The following CD101 variants were observed in gnomAD, a reference collection of about 807,000 sequenced individuals.
The protein encoded by CD101 is CD101 molecule.
A neutral mutation model predicts 98.2 loss-of-function variants in CD101; 76 were observed. The observed-to-expected ratio is 0.77, with a 90% CI of 0.64 to 0.94. The LOEUF (loss-of-function observed/expected upper bound fraction) is 0.94. Among genes scored for constraint, CD101 ranks in the 40% least tolerant of loss-of-function variants. The probability of loss-of-function intolerance (pLI) is 0.00; values close to 1 mark genes in which losing one functional copy is unlikely to be tolerated. For missense variants in CD101, 1,145 were observed against 1,218.8 expected, an observed-to-expected ratio of 0.94 and a Z score of 0.90; for synonymous variants, 471 against 472.7, an observed-to-expected ratio of 1.00 and a Z score of 0.05.
rs1304406484 is a variant in CD101 at position 117,013,515 on chromosome 1, C to T, written c.951C>T (p.Gly317=). The T allele has an allele frequency of 6.2e-7, 1 of 1,614,158 alleles. No individual in the cohort carries two copies. Among genetic ancestry groups the T allele is most frequent in the Admixed American group, 1.7e-5 (1 of 60,016 alleles). ...VSSGRDPQLQ[G]IWFFNGTEIA... ...GTGGCCGTGACCCACAGCTTCAAGGCATTTGGTTCTTCAATGGGACTGAAA... is the reference window on the plus strand; with the variant it reads ...GTGGCCGTGACCCACAGCTTCAAGGTATTTGGTTCTTCAATGGGACTGAAA... Residue 317 remains glycine, a synonymous_variant, in exon 4 of 10, where the codon GGC becomes GGT. Transcript: ENST00000682167.
At chr1:117,026,127 G>A (rs914033331) in intron 8 of CD101, 5 of 481,110 alleles carry the variant, frequency 1.0e-5, no homozygotes, top group South Asian at 3.6e-5. Flanking sequence ...CTTAAATATC[G>A]GGAGCATCTG....
chr1:117,014,671 CA>C (rs1272101824), intron 4 of CD101, among the ~76,000 whole-genome samples: 2 of 151,766 alleles, frequency 1.3e-5, no homozygotes, highest in South Asian at 2.1e-4. Flanking sequence ...ATTAATTGCC[CA>C]AAAAAAATTT....
chr1:117,011,613 C>G lies in CD101; in HGVS notation c.488C>G (p.Pro163Arg), dbSNP rs769145761. 41 of 1,613,854 alleles carry G rather than the reference C, an allele frequency of 2.5e-5. No homozygotes were observed. Among genetic ancestry groups the G allele is most frequent in the Non-Finnish European group, 3.2e-5 (38 of 1,179,882 alleles). The part of the protein sequence containing the change: ...SQTLGKEEGE[P>R]LALTCEASKA... ...ACTCTCGGTAAGGAGGAAGGTGAGCCATTAGCCCTCACCTGTGAGGCATCC... is the reference window on the plus strand; with the variant it reads ...ACTCTCGGTAAGGAGGAAGGTGAGCGATTAGCCCTCACCTGTGAGGCATCC... The change falls in exon 3 of 10, where the codon CCA (proline) becomes CGA (arginine). Residue 163 changes from proline (P) to arginine (R), a missense_variant. By Grantham distance (103) the Pro-to-Arg change is moderately radical. Transcript: ENST00000682167.
intron 3 of CD101, among the ~76,000 whole-genome samples, chr1:117,013,089 G>A (rs1342896833): frequency 6.6e-6 from 1 of 151,856 alleles, no homozygotes; most frequent in African/African-American, 2.4e-5. Context: ...ATTTAATTCA[G>A]TATACAATAT....
At chr1:117,008,264 A>G (rs539316311) in intron 1 of CD101, among the ~76,000 whole-genome samples, 1 of 152,266 alleles carries the variant, frequency 6.6e-6, no homozygotes, top group East Asian at 1.9e-4. Context: ...CAGGAGTTCG[A>G]GACCAGCCTG....
rs1652817587 is a variant in CD101 at position 117,010,361 on chromosome 1, G to A, written c.424+131G>A. 3 of 901,760 alleles carry A rather than the reference G, an allele frequency of 3.3e-6. No homozygotes were observed. The highest frequency in any genetic ancestry group is 4.9e-6 in the Non-Finnish European group (3 of 606,146). 55.9% of individuals were successfully genotyped at this position (901,760 alleles called of 1,614,324 possible). On this transcript the variant is annotated intron_variant, in intron 2 of 9. Coordinates refer to ENST00000682167, the MANE Select transcript of CD101 (RefSeq NM_001256106.3). The surrounding 1 kb of genome is among the most constrained non-coding windows in gnomAD (Gnocchi z 5.2). ...GGGAAAAGAGCCCATGTACCCCTGT[G>A]GATATTTTGGAGATATGTCACAAGT...
Position 117,018,446 on chromosome 1 carries a change from A to C in CD101, c.1903A>C (p.Thr635Pro). ...LLVHDATEEE[T>P]GVYQCEVEVY... ...AGTCCATGATGCCACTGAGGAAGAG[A>C]CAGGAGTGTATCAGTGTGAAGTAGA... The change falls in exon 6 of 10, where the codon ACA (threonine) becomes CCA (proline). Residue 635 changes from threonine to proline, a missense_variant. Transcript: ENST00000682167. The surrounding 1 kb of genome is among the most constrained non-coding windows in gnomAD (Gnocchi z 4.3). 6.2e-7 allele frequency: 1 copy of C among 1,614,232 alleles called. No homozygotes were observed. Among genetic ancestry groups the C allele is most frequent in the Non-Finnish European group, 8.5e-7 (1 of 1,180,046 alleles).
rs1030579433 is a variant in CD101, at chr1:117,019,717, C to T, written c.2017+1157C>T. Among the ~76,000 whole-genome samples, 3 of 152,132 alleles carry T rather than the reference C, an allele frequency of 2.0e-5. No individual in the cohort carries two copies. Among genetic ancestry groups the T allele is most frequent in the Non-Finnish European group, 2.9e-5 (2 of 68,024 alleles). On this transcript the variant is annotated intron_variant, in intron 6 of 9. Coordinates refer to ENST00000682167, the MANE Select transcript of CD101 (RefSeq NM_001256106.3). This position sits in a 1 kb window ranked among gnomAD's most constrained non-coding sequence, Gnocchi z 4.3. Reference sequence around the variant, plus strand: ...CAATTTCTCTTCTGATCTCCAGACTCGTATATCCAGCTGTCTCCAAGACAT... The same window carrying T: ...CAATTTCTCTTCTGATCTCCAGACTTGTATATCCAGCTGTCTCCAAGACAT...
At chr1:117,013,849 G>A in intron 4 of CD101, 57 bp downstream of exon 4, 2 of 1,504,054 alleles carry the variant, frequency 1.3e-6, no homozygotes, top group East Asian at 2.3e-5. Context: ...CCCCTTGTCA[G>A]TGGAAGACCC....
chr1:117,031,068 G>A (rs1570749049), intron 8 of CD101, among the ~76,000 whole-genome samples: 1 of 152,320 alleles, frequency 6.6e-6, no homozygotes, highest in East Asian at 1.9e-4. Context: ...TTCTAATCCA[G>A]ATATGGGTGA....
chr1:117,015,997 CAT>C (rs1219273826), intron 4 of CD101, among the ~76,000 whole-genome samples: 1 of 152,074 alleles, frequency 6.6e-6, no homozygotes, highest in African/African-American at 2.4e-5. Flanking sequence ...TTGCAGAATT[CAT>C]GTTTGTTGAA....
At chr1:117,029,242 AAAGAAAG>A (rs1293132496) in intron 8 of CD101, among the ~76,000 whole-genome samples, 12 of 146,604 alleles carry the variant, frequency 8.2e-5, no homozygotes, top group Non-Finnish European at 1.2e-4. Context: ...AGAAAGAAAG[AAAGAAAG>A]AAAGAAAGAA....
At chr1:117,035,900 C>A (rs1044505538) in intron 9 of CD101, among the ~76,000 whole-genome samples, 2 of 152,112 alleles carry the variant, frequency 1.3e-5, no homozygotes, top group African/African-American at 4.8e-5. Flanking sequence ...TTTTTAGAAA[C>A]CTGTATTTTA....
intron 6 of CD101, among the ~76,000 whole-genome samples, chr1:117,020,928 A>T (rs558093250): frequency 3.9e-5 from 6 of 152,366 alleles, no homozygotes; most frequent in African/African-American, 1.4e-4. Flanking sequence ...ATTGTCACTC[A>T]TCTTTCTGAC....
intron 1 of CD101, among the ~76,000 whole-genome samples, chr1:117,003,892 T>C (rs1652384722): frequency 6.6e-6 from 1 of 152,212 alleles, no homozygotes; most frequent in Non-Finnish European, 1.5e-5. Context: ...TGTTTGTCCT[T>C]ACAAATATAG....
At position 117,010,702 on chromosome 1, in the gene CD101, C is replaced by T. The variant is rs1025362189; in HGVS notation, c.424+472C>T. On this transcript the variant is annotated intron_variant, in intron 2 of 9. Transcript: ENST00000682167. This position sits in a 1 kb window ranked among gnomAD's most constrained non-coding sequence, Gnocchi z 5.2. ...AGTCCTTGCAATTGTCACTTTGTCC[C>T]TTTGTCTGGAATATCTATCACCCCC... 1.1e-4 allele frequency among the ~76,000 whole-genome samples: 16 copies of T among 152,170 alleles called. No homozygotes were observed. Among genetic ancestry groups the T allele is most frequent in the African/African-American group, 3.4e-4 (14 of 41,434 alleles).
Position 117,013,648 on chromosome 1 carries a change from C to G in CD101, c.1084C>G (p.Leu362Val). The G allele has an allele frequency of 6.2e-7, 1 of 1,614,152 alleles. No individual in the cohort carries two copies. Among genetic ancestry groups the G allele is most frequent in the Non-Finnish European group, 8.5e-7 (1 of 1,180,032 alleles). ...AAAGTTAGGCCCCAAGGCTTTCTCT[C>G]TCAAGATCTTCTCTCTGGGCCCAGA... ...VSKLGPKAFS[L>V]KIFSLGPEDE... Residue 362 changes from leucine (L) to valine (V), a missense_variant, in exon 4 of 10, where the codon CTC becomes GTC. By Grantham distance (32) the Leu-to-Val change is conservative (BLOSUM62 1). Transcript: ENST00000682167.
chr1:117,006,236 A>C lies in CD101; in HGVS notation c.44-3614A>C, dbSNP rs939837219. ...AAGCATCCAACGCACTGAAAACTAC[A>C]GATTTTGTCTCCACAGTAGCTCAGT... On this transcript the variant is annotated intron_variant, in intron 1 of 9. Coordinates refer to ENST00000682167, the MANE Select transcript of CD101 (RefSeq NM_001256106.3). The surrounding 1 kb of genome is among the most constrained non-coding windows in gnomAD (Gnocchi z 4.4). Among the ~76,000 whole-genome samples the C allele has an allele frequency of 6.6e-6, 1 of 152,152 alleles. No homozygotes were observed. Among genetic ancestry groups the C allele is most frequent in the Non-Finnish European group, 1.5e-5 (1 of 68,026 alleles).
intron 8 of CD101, 108 bp downstream of exon 8, chr1:117,026,012 G>T (rs574608453): frequency 1.4e-5 from 17 of 1,225,982 alleles, no homozygotes; most frequent in East Asian, 2.5e-5. Flanking sequence ...ACAATTTTCA[G>T]ACTGAAGACA....
Sources: gnomAD v4.1 joint callset for allele counts (sites outside exome capture counted in the v4.1 genomes callset) on GRCh38, gnomAD v4.1.1 for gene constraint, Gnocchi (gnomAD v3.1) non-coding constraint, MANE v1.5 for transcripts, NCBI Gene and HGNC (gene_info 2026-07-23, HGNC 2026-07-21) for gene names.